Variants in NDRG3 observed in about 807,000 individuals in gnomAD.
NDRG3 encodes the protein protein NDRG3.
In NDRG3, 23 loss-of-function variants were observed where a neutral mutation model predicts 57.2. The observed-to-expected ratio is 0.40, with a 90% confidence interval of 0.29 to 0.57. NDRG3 has a LOEUF of 0.57. NDRG3 is among the 20% of genes least tolerant of loss of function. The pLI is 0.42. For synonymous variants in NDRG3, 132 were observed against 162.6 expected (o/e 0.81, Z 1.43); for missense variants, 384 against 457.3 (o/e 0.84, Z 1.46).
At chr20:36,679,210 C>T (rs531737534) in intron 8 of NDRG3, among the ~76,000 whole-genome samples, 2 of 152,106 alleles carry the variant, frequency 1.3e-5, no homozygotes, top group Admixed American at 6.6e-5. Flanking sequence ...CCTCCCACCT[C>T]GGCCTCCCAA....
intron 3 of NDRG3, among the ~76,000 whole-genome samples, chr20:36,699,440 G>T (rs186281390): frequency 8.5e-5 from 13 of 152,270 alleles, no homozygotes; most frequent in African/African-American, 3.1e-4. Flanking sequence ...GAAAGTGTCT[G>T]CCATATGGAG....
chr20:36,672,464 C>T (rs1211036566), intron 8 of NDRG3, among the ~76,000 whole-genome samples: 1 of 152,072 alleles, frequency 6.6e-6, no homozygotes, highest in African/African-American at 2.4e-5. Flanking sequence ...TCATATAGTT[C>T]CAGAAAGACT....
intron 5 of NDRG3, among the ~76,000 whole-genome samples, chr20:36,685,763 C>T (rs1423167987): frequency 2.0e-5 from 3 of 152,210 alleles, no homozygotes; most frequent in Non-Finnish European, 4.4e-5. Context: ...AATCCCAACA[C>T]TTTCAGAGGC....
At chr20:36,684,746 G>A (rs926412086) in intron 5 of NDRG3, among the ~76,000 whole-genome samples, 6 of 152,086 alleles carry the variant, frequency 3.9e-5, no homozygotes, top group African/African-American at 1.2e-4. Context: ...AAACTTGGGA[G>A]GCTGAGGCAG....
At chr20:36,654,311 C>T (rs554129926) in intron 15 of NDRG3, among the ~76,000 whole-genome samples, 1 of 152,322 alleles carries the variant, frequency 6.6e-6, no homozygotes, top group South Asian at 2.1e-4. Flanking sequence ...CTGCTTGACT[C>T]TAAGGTCCTT....
In NDRG3 at chr20:36,653,595, C is replaced by A. The variant is rs1351064572; in HGVS notation, c.1053G>T (p.Gln351His). The stretch of plus-strand genomic sequence containing the variant: ...CACAGGATTCTTGAGTTCCATCTGA[C>A]TGATTGCTGGTGACAGACCGGCTGA... The part of the protein sequence containing the change: ...SPFSRSVTSN[Q>H]SDGTQESCES... The change falls in exon 16 of 16, where the codon CAG (glutamine) becomes CAT (histidine). Residue 351 changes from glutamine to histidine, a missense_variant. Coordinates refer to ENST00000349004, the MANE Select transcript of NDRG3 (RefSeq NM_032013.4). This position sits in a 1 kb window ranked among gnomAD's most constrained non-coding sequence, Gnocchi z 4.2. 1 of 1,614,194 alleles carries A rather than the reference C, an allele frequency of 6.2e-7. No individual in the cohort carries two copies. Among genetic ancestry groups the A allele is most frequent in the Non-Finnish European group, 8.5e-7 (1 of 1,180,030 alleles).
chr20:36,726,517 A>G (rs1039325078), intron 1 of NDRG3, among the ~76,000 whole-genome samples: 1 of 152,196 alleles, frequency 6.6e-6, no homozygotes, highest in Admixed American at 6.5e-5. Context: ...AACATATACA[A>G]GAAAACTAAG....
chr20:36,697,331 GTGCTCAT>G (rs1286899019), intron 3 of NDRG3, among the ~76,000 whole-genome samples: 1 of 152,112 alleles, frequency 6.6e-6, no homozygotes, highest in East Asian at 1.9e-4. Flanking sequence ...TTAAATTCTG[GTGCTCAT>G]TTCTCTTCCT....
intron 1 of NDRG3, among the ~76,000 whole-genome samples, chr20:36,743,323 G>A (rs1018232134): frequency 6.6e-6 from 1 of 151,628 alleles, no homozygotes; most frequent in African/African-American, 2.4e-5. Flanking sequence ...GTGAAAATCC[G>A]TCTCCACTAA....
chr20:36,708,420 G>A (rs1160241447), intron 2 of NDRG3, among the ~76,000 whole-genome samples: 1 of 151,668 alleles, frequency 6.6e-6, no homozygotes, highest in African/African-American at 2.4e-5. Flanking sequence ...GAGGCTGAGG[G>A]AAGTGGATCA....
At chr20:36,736,965 C>T (rs1398072497) in intron 1 of NDRG3, among the ~76,000 whole-genome samples, 1 of 152,108 alleles carries the variant, frequency 6.6e-6, no homozygotes, top group African/African-American at 2.4e-5. Context: ...CCATTCACAC[C>T]CCTCATATTT....
At chr20:36,745,718 G>C (rs151246113) in intron 1 of NDRG3, among the ~76,000 whole-genome samples, 1 of 152,254 alleles carries the variant, frequency 6.6e-6, no homozygotes, top group East Asian at 1.9e-4. Context: ...CGCCTGCAGA[G>C]CCAGAGCGAG....
intron 9 of NDRG3, among the ~76,000 whole-genome samples, chr20:36,670,822 C>G (rs941864383): frequency 2.0e-5 from 3 of 152,118 alleles, no homozygotes; most frequent in Non-Finnish European, 4.4e-5. Flanking sequence ...CTCACTTTTC[C>G]CTTTGAAGAA....
chr20:36,701,152 A>G (rs1983198495), intron 3 of NDRG3, among the ~76,000 whole-genome samples: 1 of 152,132 alleles, frequency 6.6e-6, no homozygotes, highest in South Asian at 2.1e-4. Flanking sequence ...CTCCATGTTT[A>G]TAAAACAACA....
chr20:36,708,814 G>A (rs1039020585), intron 2 of NDRG3, among the ~76,000 whole-genome samples: 1 of 152,048 alleles, frequency 6.6e-6, no homozygotes, highest in Non-Finnish European at 1.5e-5. Flanking sequence ...CAAGGCGGGC[G>A]GATCACCTGA....
rs1232973243 is a variant in NDRG3, at chr20:36,682,498, C to T, written c.444+20G>A. On this transcript the variant is annotated intron_variant, in intron 7 of 15. Coordinates refer to ENST00000349004, the MANE Select transcript of NDRG3 (RefSeq NM_032013.4). ...AGGCACTGCCTCAAGGATGTTGAGG[C>T]TAATCCTCTACATACTTACTGCAAA... 1 of 1,604,232 alleles carries T rather than the reference C, an allele frequency of 6.2e-7. No homozygotes were observed. The highest frequency in any genetic ancestry group is 8.5e-7 in the Non-Finnish European group (1 of 1,171,334).
chr20:36,741,845 G>A (rs145764817), intron 1 of NDRG3, among the ~76,000 whole-genome samples: 3 of 152,126 alleles, frequency 2.0e-5, no homozygotes, highest in African/African-American at 4.8e-5. Context: ...TCTGAAGGTC[G>A]AGCCCAGGAA....
chr20:36,665,258 C>A lies in NDRG3; in HGVS notation c.736G>T (p.Asp246Tyr), dbSNP rs748455113. 1 of 1,614,152 alleles carries A rather than the reference C, an allele frequency of 6.2e-7. No individual in the cohort carries two copies. The highest frequency in any genetic ancestry group is 1.1e-5 in the South Asian group (1 of 91,086). ...EIERPILGQNDNKSKTLKCST... is the reference protein window; with the variant it reads ...EIERPILGQNYNKSKTLKCST... Reference sequence around the variant, plus strand: ...TACTTTAATGTTTTTGATTTGTTATCATTTTGGCCCAGTATGGGTCTTTCG... The same window carrying A: ...TACTTTAATGTTTTTGATTTGTTATAATTTTGGCCCAGTATGGGTCTTTCG... Residue 246 changes from aspartate to tyrosine, a missense_variant, in exon 11 of 16, where the codon GAT (aspartate) becomes TAT (tyrosine). By Grantham distance (160) the Asp-to-Tyr change is radical. Coordinates refer to ENST00000349004, the MANE Select transcript of NDRG3 (RefSeq NM_032013.4).
chr20:36,702,090 A>C (rs1448302432), intron 3 of NDRG3, among the ~76,000 whole-genome samples: 1 of 152,076 alleles, frequency 6.6e-6, no homozygotes, highest in African/African-American at 2.4e-5. Context: ...CTTTCTGGCT[A>C]GTCTGAACTA....
Sources: allele counts gnomAD v4.1 joint callset (sites outside exome capture counted in the v4.1 genomes callset), GRCh38; gene constraint gnomAD v4.1.1; non-coding constraint Gnocchi (gnomAD v3.1); transcripts MANE v1.5; gene names NCBI Gene and HGNC (gene_info 2026-07-23, HGNC 2026-07-21).